Variants in LAMC3 observed in about 807,000 individuals in gnomAD.
LAMC3 encodes laminin subunit gamma 3.
Under a neutral mutation model 173.8 loss-of-function variants are expected in LAMC3, and 128 were observed. That is an observed-to-expected ratio of 0.74 (90% CI 0.64 to 0.85). The LOEUF (loss-of-function observed/expected upper bound fraction) is 0.85, where lower values mean the gene tolerates loss of function less well. LAMC3 is among the 40% of genes least tolerant of loss of function. The pLI is 0.00. For missense variants in LAMC3, 2,022 were observed against 2,156.0 expected, an observed-to-expected ratio of 0.94 and a Z score of 1.23; for synonymous variants, 897 against 909.1, an observed-to-expected ratio of 0.99 and a Z score of 0.24.
At chr9:131,019,514 C>T (rs1360230714) in intron 1 of LAMC3, among the ~76,000 whole-genome samples, 1 of 151,950 alleles carries the variant, frequency 6.6e-6, no homozygotes, top group Non-Finnish European at 1.5e-5. Flanking sequence ...CCCAAGTGTG[C>T]CTGGAAGTCA....
chr9:131,076,687 C>T (rs926313123), intron 21 of LAMC3, among the ~76,000 whole-genome samples: 5 of 152,118 alleles, frequency 3.3e-5, no homozygotes, highest in Non-Finnish European at 7.3e-5. Flanking sequence ...AAAACCCATC[C>T]TAGCTGATTG....
rs1829954028 is a variant in LAMC3 at position 131,067,191 on chromosome 9, C to T, written c.2579C>T (p.Ala860Val). The change falls in exon 14 of 28, where the codon GCA becomes GTA. Residue 860 changes from alanine (A) to valine (V), a missense_variant. By Grantham distance (64) the Ala-to-Val change is moderately conservative. Coordinates refer to ENST00000361069, the MANE Select transcript of LAMC3 (RefSeq NM_006059.4). ...GGGAGCGCCCTGGCCCCTCGACCCG[C>T]AGACAAATGCATGCGTGAGTACCTA... ...FYGSALAPRP[A>V]DKCMPCSCHP... 3.7e-6 allele frequency: 6 copies of T among 1,614,020 alleles called. No individual in the cohort carries two copies. Among genetic ancestry groups the T allele is most frequent in the Non-Finnish European group, 4.2e-6 (5 of 1,180,012 alleles).
chr9:131,040,158 C>T (rs1313403601), intron 6 of LAMC3, among the ~76,000 whole-genome samples: 1 of 151,042 alleles, frequency 6.6e-6, no homozygotes, highest in African/African-American at 2.5e-5. Context: ...GGATTACAAG[C>T]ATGCACCACC....
intron 1 of LAMC3, among the ~76,000 whole-genome samples, chr9:131,018,621 C>G (rs1250897231): frequency 6.6e-6 from 1 of 152,158 alleles, no homozygotes; most frequent in African/African-American, 2.4e-5. Context: ...CTTGGCTTCC[C>G]TCACCTCCAG....
chr9:131,033,866 G>T (rs1833895433), intron 3 of LAMC3, among the ~76,000 whole-genome samples: 1 of 152,116 alleles, frequency 6.6e-6, no homozygotes, highest in Non-Finnish European at 1.5e-5. Flanking sequence ...AGGCGCTTGG[G>T]TGGCATTAGA....
chr9:131,087,898 G>A, intron 27 of LAMC3, 81 bp downstream of exon 27: 1 of 1,102,904 alleles, frequency 9.1e-7, no homozygotes. Flanking sequence ...TCCAGTCCTG[G>A]GGAAGATTTC....
At chr9:131,010,212 C>T (rs1170027791) in intron 1 of LAMC3, among the ~76,000 whole-genome samples, 1 of 149,604 alleles carries the variant, frequency 6.7e-6, no homozygotes, top group Non-Finnish European at 1.5e-5. Context: ...ATGGTCCCAG[C>T]TACTCAAGAG....
chr9:131,085,414 C>A, intron 24 of LAMC3, 110 bp from the exon 25 acceptor site: 1 of 1,086,284 alleles, frequency 9.2e-7, no homozygotes, highest in Non-Finnish European at 1.4e-6. Flanking sequence ...CAGACCTCCA[C>A]TCGTTGTCCA....
At chr9:131,050,323 C>G (rs1834257915) in intron 9 of LAMC3, among the ~76,000 whole-genome samples, 1 of 152,218 alleles carries the variant, frequency 6.6e-6, no homozygotes, top group African/African-American at 2.4e-5. Context: ...CTGCCTGTTG[C>G]TTACGGTGGG....
chr9:131,079,692 C>CA (rs1187002381), intron 23 of LAMC3, among the ~76,000 whole-genome samples: 3 of 150,764 alleles, frequency 2.0e-5, no homozygotes, highest in Non-Finnish European at 4.4e-5. Context: ...GACCCCATCT[C>CA]AAAAAAAAGA....
intron 8 of LAMC3, among the ~76,000 whole-genome samples, chr9:131,046,681 T>C (rs1357009895): frequency 4.0e-5 from 6 of 151,670 alleles, no homozygotes; most frequent in Non-Finnish European, 8.8e-5. Flanking sequence ...ACCGCTGTGG[T>C]GGCCTATACC....
rs988852192 is a variant in LAMC3, at chr9:131,060,588, G to A, written c.2159-447G>A. On this transcript the variant is annotated intron_variant, in intron 12 of 27. Transcript: ENST00000361069. ...GAACCTGGGAAGTGGAGGTTGCAGT[G>A]AGCCAAATTGCACCACTGCACTCCA... is the stretch of plus-strand genomic sequence containing the variant. Among the ~76,000 whole-genome samples, 8 of 152,164 alleles carry A rather than the reference G, an allele frequency of 5.3e-5. No homozygotes were observed. The East Asian group carries it at 1.5e-3, about 29-fold the overall frequency.
intron 16 of LAMC3, 22 bp from the exon 17 acceptor site, chr9:131,069,650 G>C (rs568733814): frequency 3.8e-6 from 6 of 1,592,538 alleles, no homozygotes; most frequent in Non-Finnish European, 5.1e-6. Context: ...AACCCAGCAC[G>C]CACTGCCCCT....
chr9:131,069,745 C>A lies in LAMC3; in HGVS notation c.2964C>A (p.Gly988=). 6.3e-7 allele frequency: 1 copy of A among 1,599,550 alleles called. No homozygotes were observed. Among genetic ancestry groups the A allele is most frequent in the Non-Finnish European group, 8.5e-7 (1 of 1,173,788 alleles). The change falls in exon 17 of 28, where the codon GGC becomes GGA. Residue 988 remains glycine, a synonymous_variant. Coordinates refer to ENST00000361069, the MANE Select transcript of LAMC3 (RefSeq NM_006059.4). The stretch of plus-strand genomic sequence containing the variant: ...ACGGCACATGCGTGTGCAGGCCTGG[C>A]TTCGAGGGCTACAAATGTGACCGCT... ...HENGTCVCRP[G]FEGYKCDRCH... is the part of the protein sequence containing the mutation.
At chr9:131,057,236 C>T in intron 12 of LAMC3, 89 bp downstream of exon 12, 1 of 1,182,296 alleles carries the variant, frequency 8.5e-7, no homozygotes, top group Non-Finnish European at 1.2e-6. Context: ...CAGCCTGGCA[C>T]AGGCATTGAG....
In LAMC3 at chr9:131,041,449, A is replaced by G. The variant is rs112893255; in HGVS notation, c.1284-188A>G. On this transcript the variant is annotated intron_variant, in intron 6 of 27. Transcript: ENST00000361069. ...GGATGGATGTGTGGTGGGTGGGAAG[A>G]TGGACCACTGTACCAGTGATGGATG... Among the ~76,000 whole-genome samples, 6,991 of 151,332 alleles carry G rather than the reference A, an allele frequency of 0.046. 521 individuals are homozygous for G. The highest frequency in any genetic ancestry group is 0.16 in the African/African-American group (6,618 of 41,246).
chr9:131,064,630 C>G (rs1433048171), intron 13 of LAMC3, among the ~76,000 whole-genome samples: 1 of 150,346 alleles, frequency 6.7e-6, no homozygotes, highest in Non-Finnish European at 1.5e-5. Context: ...CGCCACTGCA[C>G]TCCAGCCTGG....
chr9:131,065,991 G>A (rs1231152124), intron 13 of LAMC3, among the ~76,000 whole-genome samples: 2 of 152,222 alleles, frequency 1.3e-5, no homozygotes, highest in South Asian at 2.1e-4. Flanking sequence ...TCAGGAGTTC[G>A]AGACCAGCAG....
intron 11 of LAMC3, among the ~76,000 whole-genome samples, chr9:131,054,480 G>A (rs1333234985): frequency 3.9e-5 from 6 of 152,170 alleles, no homozygotes; most frequent in East Asian, 1.9e-4. Context: ...ACAGCCGGGC[G>A]TGGTGGCTCA....
Sources: gnomAD v4.1 joint callset for allele counts (sites outside exome capture counted in the v4.1 genomes callset) on GRCh38, gnomAD v4.1.1 for gene constraint, MANE v1.5 for transcripts, NCBI Gene and HGNC (gene_info 2026-07-23, HGNC 2026-07-21) for gene names.